Variants in TRPC6 observed in about 807,000 individuals in gnomAD.
The protein encoded by TRPC6 is short transient receptor potential channel 6.
In TRPC6, 55 loss-of-function variants were observed where a neutral mutation model predicts 90.7. That is an observed-to-expected ratio of 0.61 (90% CI 0.49 to 0.76). The LOEUF (loss-of-function observed/expected upper bound fraction) is 0.76. TRPC6 is among the 30% of genes least tolerant of loss of function. The pLI, the probability that TRPC6 is intolerant of heterozygous loss-of-function variation, is 0.00. For synonymous variants in TRPC6, 393 were observed against 393.0 expected (o/e 1.00, Z 0.00); for missense variants, 989 against 1,122.7 (o/e 0.88, Z 1.70).
chr11:101,573,008 TA>T (rs34831988), intron 1 of TRPC6, among the ~76,000 whole-genome samples: 6 of 149,898 alleles, frequency 4.0e-5, no homozygotes, highest in Admixed American at 1.3e-4. Flanking sequence ...AAAGTATAAT[TA>T]AAAAAAAAAC....
intron 1 of TRPC6, among the ~76,000 whole-genome samples, chr11:101,538,708 A>T (rs772420583): frequency 6.6e-6 from 1 of 152,218 alleles, no homozygotes; most frequent in Non-Finnish European, 1.5e-5. Context: ...GCAGAATGAG[A>T]GATCAGAGAG....
intron 1 of TRPC6, among the ~76,000 whole-genome samples, chr11:101,516,098 A>G (rs974969108): frequency 2.2e-5 from 3 of 133,916 alleles, no homozygotes; most frequent in African/African-American, 8.8e-5. Flanking sequence ...TTCTTTTAAA[A>G]TGCAGCTGGG....
chr11:101,526,861 CAAAAAAAAAAAAAAAAAAAA>C (rs573864895), intron 1 of TRPC6, among the ~76,000 whole-genome samples: 46 of 36,124 alleles, frequency 1.3e-3, no homozygotes, highest in Middle Eastern at 0.019. Context: ...GAGACTGTCT[CAAAAAAAAAAAAAAAAAAAA>C]AAAAAAAAAA....
chr11:101,461,416 C>G (rs1859001151), intron 10 of TRPC6, among the ~76,000 whole-genome samples: 2 of 152,086 alleles, frequency 1.3e-5, no homozygotes, highest in Non-Finnish European at 2.9e-5. Flanking sequence ...ACAGAAAATA[C>G]TAAAAATTAG....
rs942845633 is a variant in TRPC6, at chr11:101,474,200, G to C, written c.1745-427C>G. ...AGCATATGTTCAGCGTTTAGCAAGT[G>C]CCTGGCACTTAATAAATGGTAGCGT... On this transcript the variant is annotated intron_variant, in intron 6 of 12. Coordinates refer to ENST00000344327, the MANE Select transcript of TRPC6 (RefSeq NM_004621.6). Among the ~76,000 whole-genome samples the C allele has an allele frequency of 5.3e-5, 8 of 152,286 alleles. 1 individual carries two copies. In the South Asian group the frequency reaches 1.7e-3, roughly 32 times the overall value.
intron 1 of TRPC6, among the ~76,000 whole-genome samples, chr11:101,535,384 A>C (rs1591118095): frequency 8.1e-6 from 1 of 123,398 alleles, no homozygotes; most frequent in South Asian, 2.6e-4. Flanking sequence ...CTTATTCCCT[A>C]ATCTTATTAT....
At chr11:101,473,841 T>G in intron 6 of TRPC6, 68 bp from the exon 7 acceptor site, 1 of 1,602,954 alleles carries the variant, frequency 6.2e-7, no homozygotes, top group Non-Finnish European at 8.5e-7. Flanking sequence ...AACTTCTTTT[T>G]CTGCGAAAGA....
intron 4 of TRPC6, among the ~76,000 whole-genome samples, chr11:101,487,655 A>C (rs888096532): frequency 6.6e-6 from 1 of 152,156 alleles, no homozygotes; most frequent in Non-Finnish European, 1.5e-5. Flanking sequence ...TCAATTTTCT[A>C]GATGAAAATC....
intron 1 of TRPC6, among the ~76,000 whole-genome samples, chr11:101,524,561 A>G: frequency 6.6e-6 from 1 of 152,216 alleles, no homozygotes; most frequent in East Asian, 1.9e-4. Context: ...TTTATCCCTT[A>G]AATTTAAATG....
chr11:101,557,739 G>A lies in TRPC6; in HGVS notation c.170+25595C>T, dbSNP rs143934169. Among the ~76,000 whole-genome samples the A allele has an allele frequency of 3.4e-4, 52 of 151,902 alleles. No individual in the cohort carries two copies. The East Asian group carries it at 0.01, about 29-fold the overall frequency. On this transcript the variant is annotated intron_variant, in intron 1 of 12. Coordinates refer to ENST00000344327, the MANE Select transcript of TRPC6 (RefSeq NM_004621.6). ...ACTAACAAAGAACTACCCAAAAAAA[G>A]AAATCAGGAGAACAATCTCATTTAC... is the stretch of plus-strand genomic sequence containing the variant.
chr11:101,547,328 T>C (rs972569647), intron 1 of TRPC6, among the ~76,000 whole-genome samples: 3 of 152,168 alleles, frequency 2.0e-5, no homozygotes, highest in African/African-American at 7.2e-5. Flanking sequence ...GGCCCTGAGA[T>C]TCCCATGTAC....
At chr11:101,488,503 T>C (rs1242520833) in intron 4 of TRPC6, among the ~76,000 whole-genome samples, 1 of 152,206 alleles carries the variant, frequency 6.6e-6, no homozygotes, top group Non-Finnish European at 1.5e-5. Flanking sequence ...AAAACTTTCA[T>C]CTCAAATTTT....
At chr11:101,551,084 T>C (rs908460387) in intron 1 of TRPC6, among the ~76,000 whole-genome samples, 2 of 151,898 alleles carry the variant, frequency 1.3e-5, no homozygotes, top group South Asian at 4.1e-4. Context: ...CATAGTCTAG[T>C]TTGCTTAGAG....
chr11:101,540,440 T>G (rs1861142757), intron 1 of TRPC6, among the ~76,000 whole-genome samples: 1 of 152,248 alleles, frequency 6.6e-6, no homozygotes, highest in Non-Finnish European at 1.5e-5. Context: ...AGCGTATTTT[T>G]AAAGTATTTT....
intron 1 of TRPC6, among the ~76,000 whole-genome samples, chr11:101,562,165 G>GA (rs1861729569): frequency 6.6e-6 from 1 of 151,942 alleles, no homozygotes; most frequent in African/African-American, 2.4e-5. Flanking sequence ...TAATACTCCT[G>GA]AAAATGGATA....
At chr11:101,456,900 A>G (rs1858896695) in intron 10 of TRPC6, among the ~76,000 whole-genome samples, 1 of 152,190 alleles carries the variant, frequency 6.6e-6, no homozygotes, top group South Asian at 2.1e-4. Context: ...TCAGTTTCTA[A>G]TACATCATAG....
In TRPC6 at chr11:101,491,941, C is replaced by G. The variant is rs578181142; in HGVS notation, c.946-203G>C. Among the ~76,000 whole-genome samples, 6 of 145,872 alleles carry G rather than the reference C, an allele frequency of 4.1e-5. No individual in the cohort carries two copies. The East Asian group carries it at 1.2e-3, about 30-fold the overall frequency. On this transcript the variant is annotated intron_variant, in intron 2 of 12. Coordinates refer to ENST00000344327, the MANE Select transcript of TRPC6 (RefSeq NM_004621.6). ...CTGCAAGATCCGCCTCCTGGGTTCA[C>G]GCCATTCTCCTGCCTCAGCCTCCCG...
At chr11:101,568,301 C>A (rs985711924) in intron 1 of TRPC6, among the ~76,000 whole-genome samples, 2 of 151,912 alleles carry the variant, frequency 1.3e-5, no homozygotes, top group African/African-American at 4.8e-5. Context: ...AGCATGAAGA[C>A]AAGATTAGAG....
intron 1 of TRPC6, among the ~76,000 whole-genome samples, chr11:101,557,905 T>G (rs1022030307): frequency 6.6e-6 from 1 of 152,090 alleles, no homozygotes; most frequent in Non-Finnish European, 1.5e-5. Flanking sequence ...TGTTCATAGA[T>G]TACAAGAATT....
Sources: gnomAD v4.1 joint callset for allele counts (sites outside exome capture counted in the v4.1 genomes callset) on GRCh38, gnomAD v4.1.1 for gene constraint, MANE v1.5 for transcripts, NCBI Gene and HGNC (gene_info 2026-07-23, HGNC 2026-07-21) for gene names.